STS: variants seen among roughly 807,000 people sequenced by gnomAD.
The protein encoded by STS is steroid sulfatase.
STS carries 7 observed loss-of-function variants against 26.8 expected under a neutral mutation model. That is an observed-to-expected ratio of 0.26 (90% CI 0.15 to 0.49). STS has a LOEUF of 0.49. Ranked by LOEUF, STS falls within the 20% of genes least tolerant of loss-of-function variation. STS has a pLI of 0.98. For missense variants in STS, 434 were observed against 465.6 expected (o/e 0.93, Z 0.63); for synonymous variants, 199 against 189.4 (o/e 1.05, Z -0.42).
intron 7 of STS, among the ~76,000 whole-genome samples, chrX:7,290,778 A>G (rs903992794): frequency 9.0e-6 from 1 of 111,723 alleles, no homozygotes; most frequent in African/African-American, 3.3e-5. Context: ...CTGAGCCCCC[A>G]CTTCTTTCTC....
intron 2 of STS, among the ~76,000 whole-genome samples, chrX:7,235,049 A>G (rs1278471370): frequency 1.8e-5 from 2 of 111,863 alleles, no homozygotes; most frequent in Admixed American, 9.5e-5. Context: ...TAGGACCGCT[A>G]TGGGACACAG....
At chrX:7,206,472 C>T (rs1920950434) in intron 2 of STS, among the ~76,000 whole-genome samples, 1 of 112,178 alleles carries the variant, frequency 8.9e-6, no homozygotes, top group Non-Finnish European at 1.9e-5. Context: ...ATTGATCAAT[C>T]TTTTCTTTTC....
At chrX:7,277,111 C>T (rs1478198873) in intron 7 of STS, among the ~76,000 whole-genome samples, 2 of 111,428 alleles carry the variant, frequency 1.8e-5, no homozygotes, top group South Asian at 3.8e-4. Context: ...CCAGTCCACT[C>T]GGAACTTCTC....
chrX:7,315,150 A>C (rs2147150283), intron 8 of STS, among the ~76,000 whole-genome samples: 1 of 112,104 alleles, frequency 8.9e-6, no homozygotes, highest in South Asian at 3.7e-4. Flanking sequence ...TTATTTCACA[A>C]AATATATTGA....
At chrX:7,214,944 C>CATATATACGTATATATATATTATATATGT (rs1921186636) in intron 2 of STS, among the ~76,000 whole-genome samples, 1 of 89,164 alleles carries the variant, frequency 1.1e-5, no homozygotes, top group Non-Finnish European at 2.1e-5. Flanking sequence ...TATATATATA[C>CATATATACGTATATATATATTATATATGT]ATATATACGT....
At chrX:7,335,628 C>T (rs1485040981) in intron 10 of STS, among the ~76,000 whole-genome samples, 7 of 111,964 alleles carry the variant, frequency 6.3e-5, no homozygotes, top group African/African-American at 1.9e-4. Context: ...TCCCATTTGT[C>T]AATTTTGTCT....
chrX:7,225,335 G>A (rs183294787), intron 2 of STS, among the ~76,000 whole-genome samples: 24 of 111,322 alleles, frequency 2.2e-4, no homozygotes, highest in African/African-American at 7.8e-4. Context: ...GTGCATAGTG[G>A]GGCTCATGGC....
At chrX:7,189,039 A>G (rs1601638436) in intron 1 of STS, among the ~76,000 whole-genome samples, 1 of 111,677 alleles carries the variant, frequency 9.0e-6, no homozygotes, top group East Asian at 2.8e-4. Context: ...CATTTCTGAG[A>G]TTCTGATTGA....
chrX:7,204,059 T>G (rs1462413999), intron 2 of STS, among the ~76,000 whole-genome samples: 2 of 112,252 alleles, frequency 1.8e-5, no homozygotes, highest in Non-Finnish European at 3.8e-5. Flanking sequence ...GTGCTGGGAT[T>G]ACAGGCATGA....
intron 2 of STS, among the ~76,000 whole-genome samples, chrX:7,226,070 A>G (rs1410530778): frequency 8.9e-6 from 1 of 112,363 alleles, no homozygotes; most frequent in African/African-American, 3.2e-5. Context: ...ATAATTTTAT[A>G]CAAACATATA....
intron 2 of STS, among the ~76,000 whole-genome samples, chrX:7,195,228 T>C: frequency 8.9e-6 from 1 of 112,024 alleles, no homozygotes; most frequent in East Asian, 2.8e-4. Flanking sequence ...AACTTGTCTT[T>C]GGTAATACCT....
chrX:7,324,859 TCTC>T (rs1457930332), intron 8 of STS, among the ~76,000 whole-genome samples: 1 of 111,812 alleles, frequency 8.9e-6, no homozygotes, highest in Non-Finnish European at 1.9e-5. Context: ...TGCAGGGTAA[TCTC>T]CTCATCTCAA....
At chrX:7,249,965 T>C (rs1484707121) in intron 2 of STS, among the ~76,000 whole-genome samples, 1 of 111,197 alleles carries the variant, frequency 9.0e-6, no homozygotes, top group Non-Finnish European at 1.9e-5. Context: ...TCTCACTCTG[T>C]CAACTAGGCC....
chrX:7,318,115 TA>T (rs1163963934), intron 8 of STS, among the ~76,000 whole-genome samples: 1 of 111,812 alleles, frequency 8.9e-6, no homozygotes, highest in Non-Finnish European at 1.9e-5. Flanking sequence ...CAAGAGTTAA[TA>T]AAGTCACGAG....
chrX:7,219,434 G>A lies in STS; in HGVS notation c.-5+28426G>A, dbSNP rs1601661627. ...CAGCAACTAGGCAAAGAGTGTCTCC[G>A]CCTCACATTATCTGCCCAAGCACAG... On this transcript the variant is annotated intron_variant, in intron 2 of 10. Coordinates refer to ENST00000674429, the MANE Select transcript of STS (RefSeq NM_001320752.2). 14 of 1,057,602 alleles carry A rather than the reference G, an allele frequency of 1.3e-5. No homozygotes were observed. In the East Asian group the frequency reaches 3.8e-4, roughly 29 times the overall value. The allele number at this position is 1,057,602 out of a possible 1,213,427, so 87.2% of individuals were successfully genotyped here.
At chrX:7,201,018 C>T (rs1000707673) in intron 2 of STS, among the ~76,000 whole-genome samples, 3 of 109,129 alleles carry the variant, frequency 2.7e-5, no homozygotes, top group Non-Finnish European at 3.8e-5. Context: ...AATGATAGAT[C>T]GATGGATGAT....
intron 2 of STS, among the ~76,000 whole-genome samples, chrX:7,204,439 A>C (rs182685803): frequency 2.7e-5 from 3 of 110,716 alleles, no homozygotes; most frequent in African/African-American, 9.9e-5. Context: ...AAAAAATATT[A>C]GATGTTGATT....
At chrX:7,332,189 G>T (rs947149397) in intron 9 of STS, among the ~76,000 whole-genome samples, 1 of 109,801 alleles carries the variant, frequency 9.1e-6, no homozygotes, top group Non-Finnish European at 1.9e-5. Flanking sequence ...AAAATAGCTG[G>T]GCATGGTGGC....
chrX:7,282,652 G>A (rs1416810463), intron 7 of STS, among the ~76,000 whole-genome samples: 1 of 112,624 alleles, frequency 8.9e-6, no homozygotes, highest in African/African-American at 3.2e-5. Flanking sequence ...CTGTCTGAGA[G>A]CCATCTCGCA....
Sources: gnomAD v4.1 joint callset for allele counts (sites outside exome capture counted in the v4.1 genomes callset) on GRCh38, gnomAD v4.1.1 for gene constraint, MANE v1.5 for transcripts, NCBI Gene and HGNC (gene_info 2026-07-23, HGNC 2026-07-21) for gene names.